The following TTC39A variants were observed in gnomAD, a reference collection of about 807,000 sequenced individuals.
The protein encoded by TTC39A is tetratricopeptide repeat protein 39A.
Under a neutral mutation model 82.3 loss-of-function variants are expected in TTC39A, and 46 were observed. The ratio of observed to expected loss-of-function variants is 0.56; its 90% CI spans 0.44 to 0.71. The LOEUF (loss-of-function observed/expected upper bound fraction) is 0.71. Ranked by LOEUF, TTC39A falls within the 30% of genes least tolerant of loss-of-function variation. The pLI is 0.00. For synonymous variants in TTC39A, 254 were observed against 275.2 expected (o/e 0.92, Z 0.76); for missense variants, 543 against 712.9 (o/e 0.76, Z 2.71).
At chr1:51,327,639 G>A (rs1645759793) in intron 1 of TTC39A, among the ~76,000 whole-genome samples, 2 of 151,920 alleles carry the variant, frequency 1.3e-5, no homozygotes, top group Non-Finnish European at 2.9e-5. Context: ...ACTATGGAAA[G>A]CACAAGAGTA....
chr1:51,292,465 CTG>C (rs1316564840), intron 14 of TTC39A, among the ~76,000 whole-genome samples: 1 of 152,186 alleles, frequency 6.6e-6, no homozygotes, highest in Non-Finnish European at 1.5e-5. Context: ...GGGTCTCACT[CTG>C]TCACCCAGGC....
chr1:51,345,026 G>A (rs1557753893), exon 1 of TTC39A: 2 of 1,519,502 alleles, frequency 1.3e-6, no homozygotes, highest in Non-Finnish European at 1.8e-6. Context: ...CCTCCTTCCA[G>A]GTGGTCAGAA....
intron 1 of TTC39A, among the ~76,000 whole-genome samples, chr1:51,341,448 G>A (rs931116734): frequency 1.3e-5 from 2 of 152,238 alleles, no homozygotes; most frequent in South Asian, 2.1e-4. Flanking sequence ...CAGGAAATGT[G>A]GTGTGCTGGC....
intron 5 of TTC39A, 51 bp from the exon 6 acceptor site, chr1:51,309,376 C>T (rs767874352): frequency 1.7e-5 from 27 of 1,611,580 alleles, no homozygotes; most frequent in Non-Finnish European, 2.1e-5. Context: ...CAGCTGCAGG[C>T]GTGAGAGGGA....
At chr1:51,290,212 C>T (rs1163660048) in intron 15 of TTC39A, 93 bp from the exon 16 acceptor site, 2 of 1,166,100 alleles carry the variant, frequency 1.7e-6, no homozygotes, top group Non-Finnish European at 2.5e-6. Flanking sequence ...GTCAAAGGGA[C>T]ACAGGTAAAT....
At chr1:51,333,352 A>G (rs1485990541), upstream of TTC39A, among the ~76,000 whole-genome samples, 1 of 152,246 alleles carries the variant, frequency 6.6e-6, no homozygotes, top group Non-Finnish European at 1.5e-5. Flanking sequence ...AATATTCCAA[A>G]ATCCATGAAA....
chr1:51,320,214 G>C (rs538607373), intron 2 of TTC39A, among the ~76,000 whole-genome samples: 1 of 152,194 alleles, frequency 6.6e-6, no homozygotes, highest in East Asian at 1.9e-4. Flanking sequence ...TCAACGATAG[G>C]ATGATCTGAT....
chr1:51,342,127 A>G (rs1018060044), intron 1 of TTC39A, among the ~76,000 whole-genome samples: 4 of 152,156 alleles, frequency 2.6e-5, no homozygotes, highest in Admixed American at 6.5e-5. Context: ...GGGCTATGGT[A>G]TGGCTAAGAA....
chr1:51,290,037 C>A lies in TTC39A; in HGVS notation c.1461G>T (p.Glu487Asp), dbSNP rs1026567036. 3.1e-6 allele frequency: 5 copies of A among 1,613,778 alleles called. No homozygotes were observed. In the African/African-American group the frequency reaches 6.7e-5, roughly 22 times the overall value. The change falls in exon 16 of 18, where the codon GAG becomes GAT. Residue 487 changes from glutamate to aspartate, a missense_variant. Glu to Asp is a conservative substitution (Grantham distance 45, BLOSUM62 2). Coordinates refer to ENST00000680483, the MANE Select transcript of TTC39A (RefSeq NM_001297663.2). ...LCLKYLGRVQEAEENFRSISA... is the reference protein window; with the variant it reads ...LCLKYLGRVQDAEENFRSISA... ...AGATGCTCCTAAAATTCTCCTCGGCCTCCTGGACACGGCCCAGGTATTTCA... is the reference window on the plus strand; with the variant it reads ...AGATGCTCCTAAAATTCTCCTCGGCATCCTGGACACGGCCCAGGTATTTCA...
At chr1:51,311,916 G>A (rs188552270) in intron 4 of TTC39A, among the ~76,000 whole-genome samples, 2 of 152,306 alleles carry the variant, frequency 1.3e-5, no homozygotes, top group Admixed American at 6.5e-5. Flanking sequence ...TAGTGCTATC[G>A]CATAAGTGGG....
intron 2 of TTC39A, among the ~76,000 whole-genome samples, chr1:51,318,799 G>A (rs1245910596): frequency 1.3e-5 from 2 of 152,154 alleles, no homozygotes; most frequent in East Asian, 1.9e-4. Flanking sequence ...GCCATCCCGG[G>A]TGCTGACATC....
chr1:51,331,586 C>T (rs1645912020), upstream of TTC39A: 3 of 985,254 alleles, frequency 3.0e-6, no homozygotes, highest in South Asian at 9.4e-5. Flanking sequence ...GGACTTGTAC[C>T]AGATCCCAGG....
Position 51,294,521 on chromosome 1 carries a change from A to G in TTC39A, c.1146-10T>C, listed in dbSNP as rs752047849. On this transcript the variant is annotated splice_polypyrimidine_tract_variant and intron_variant, in intron 13 of 17. Coordinates refer to ENST00000680483, the MANE Select transcript of TTC39A (RefSeq NM_001297663.2). The surrounding 1 kb of genome is among the most constrained non-coding windows in gnomAD (Gnocchi z 4.3). ...CAGGCCTGGCACAGCTCTGCGAAAG[A>G]GATGGGGAGGGTGGGAGAGGATGAA... is the stretch of plus-strand genomic sequence containing the variant. 6.2e-7 allele frequency: 1 copy of G among 1,613,792 alleles called. No homozygotes were observed. The highest frequency in any genetic ancestry group is 1.1e-5 in the South Asian group (1 of 91,066).
chr1:51,292,388 T>C (rs991195410), intron 14 of TTC39A, among the ~76,000 whole-genome samples: 1 of 152,174 alleles, frequency 6.6e-6, no homozygotes, highest in Non-Finnish European at 1.5e-5. Context: ...TAGACCAGTA[T>C]TTCTCAACTG....
chr1:51,309,408 A>T, intron 5 of TTC39A, 83 bp from the exon 6 acceptor site: 1 of 1,601,006 alleles, frequency 6.2e-7, no homozygotes, highest in East Asian at 2.3e-5. Context: ...TCTGGGCCTG[A>T]CTGCCCCTCC....
At chr1:51,310,569 C>A (rs1298656129) in intron 5 of TTC39A, among the ~76,000 whole-genome samples, 2 of 152,174 alleles carry the variant, frequency 1.3e-5, no homozygotes, top group Admixed American at 1.3e-4. Context: ...GCATATGTCC[C>A]TCTCCTGCTA....
rs1644087973 is a variant in TTC39A at position 51,288,765 on chromosome 1, A to T, written c.1610+74T>A. ...CAACTCCACTCACTGCTCTCTGGGC[A>T]ACTCTGTCCCCAGCCAGCTCCTGAG... On this transcript the variant is annotated intron_variant, in intron 17 of 17. Transcript: ENST00000680483. This position sits in a 1 kb window ranked among gnomAD's most constrained non-coding sequence, Gnocchi z 4.8. 1.6e-5 allele frequency: 23 copies of T among 1,417,574 alleles called. No homozygotes were observed. The highest frequency in any genetic ancestry group is 2.1e-5 in the Non-Finnish European group (22 of 1,029,450). The allele number at this position is 1,417,574 out of a possible 1,614,324, so 87.8% of individuals were successfully genotyped here.
chr1:51,310,080 C>A (rs560289477), intron 5 of TTC39A, among the ~76,000 whole-genome samples: 1 of 151,932 alleles, frequency 6.6e-6, no homozygotes, highest in Non-Finnish European at 1.5e-5. Flanking sequence ...GCCTGGCCAA[C>A]GTGGTGAAAC....
intron 1 of TTC39A, among the ~76,000 whole-genome samples, chr1:51,328,568 C>A (rs1645798502): frequency 6.6e-6 from 1 of 152,138 alleles, no homozygotes; most frequent in South Asian, 2.1e-4. Flanking sequence ...AGAATAAAAA[C>A]AGAGAAATGA....
Sources: gnomAD v4.1 joint callset for allele counts (sites outside exome capture counted in the v4.1 genomes callset) on GRCh38, gnomAD v4.1.1 for gene constraint, Gnocchi (gnomAD v3.1) non-coding constraint, MANE v1.5 for transcripts, NCBI Gene and HGNC (gene_info 2026-07-23, HGNC 2026-07-21) for gene names.